USP7: variants seen among roughly 807,000 people sequenced by gnomAD.
The protein encoded by USP7 is ubiquitin specific peptidase 7, also known as ubiquitin C-terminal hydrolase 7.
Under a neutral mutation model 162.9 loss-of-function variants are expected in USP7, and 9 were observed. The ratio of observed to expected loss-of-function variants is 0.06; its 90% CI spans 0.03 to 0.10. USP7 has a LOEUF of 0.10. Ranked by LOEUF, USP7 falls within the 10% of genes least tolerant of loss-of-function variation. The pLI is 1.00. For synonymous variants in USP7, 562 were observed against 475.9 expected, an observed-to-expected ratio of 1.18 and a Z score of -2.35; for missense variants, 715 against 1,373.7, an observed-to-expected ratio of 0.52 and a Z score of 7.58.
At chr16:8,905,129 G>A in intron 14 of USP7, 58 bp downstream of exon 14, 2 of 1,571,936 alleles carry the variant, frequency 1.3e-6, no homozygotes, top group South Asian at 1.1e-5. Context: ...GGAGATTCAT[G>A]GTACAAATGT....
chr16:8,941,107 G>A (rs1899026432), intron 1 of USP7, among the ~76,000 whole-genome samples: 1 of 152,162 alleles, frequency 6.6e-6, no homozygotes, highest in South Asian at 2.1e-4. Context: ...AGGAGCTGCT[G>A]CCCAATTCAC....
intron 1 of USP7, among the ~76,000 whole-genome samples, chr16:8,944,749 TG>T (rs1393460369): frequency 6.6e-6 from 1 of 152,238 alleles, no homozygotes; most frequent in Non-Finnish European, 1.5e-5. Context: ...CAGACTCTCA[TG>T]GAACACCTGC....
intron 1 of USP7, among the ~76,000 whole-genome samples, chr16:8,932,965 G>A (rs996478292): frequency 4.0e-5 from 6 of 149,938 alleles, no homozygotes; most frequent in Middle Eastern, 3.4e-3. Flanking sequence ...TTTTTTTTAT[G>A]GAGTTTCGCT....
chr16:8,962,108 C>A (rs1188937286), intron 1 of USP7, among the ~76,000 whole-genome samples: 1 of 152,176 alleles, frequency 6.6e-6, no homozygotes, highest in African/African-American at 2.4e-5. Flanking sequence ...ACACTTGGAG[C>A]CACCGCACAG....
At chr16:8,930,535 C>A in intron 1 of USP7, 138 bp from the exon 2 acceptor site, 1 of 604,198 alleles carries the variant, frequency 1.7e-6, no homozygotes. Flanking sequence ...TCATTCTAAT[C>A]CAAAAAATAT....
intron 1 of USP7, among the ~76,000 whole-genome samples, chr16:8,961,624 A>C (rs1377261071): frequency 1.3e-5 from 2 of 151,940 alleles, no homozygotes; most frequent in Non-Finnish European, 1.5e-5. Flanking sequence ...GTGTCCAAAA[A>C]CACCTGGAAA....
chr16:8,940,982 C>T (rs1286548041), intron 1 of USP7, among the ~76,000 whole-genome samples: 1 of 152,178 alleles, frequency 6.6e-6, no homozygotes, highest in Non-Finnish European at 1.5e-5. Context: ...AATTCTCTCT[C>T]CTCCCACTCC....
chr16:8,963,221 T>C lies in USP7; in HGVS notation c.65A>G (p.Asp22Gly). 1 of 1,409,622 alleles carries C rather than the reference T, an allele frequency of 7.1e-7. No individual in the cohort carries two copies. The highest frequency in any genetic ancestry group is 1.3e-5 in the South Asian group (1 of 76,120). 87.3% of individuals were successfully genotyped at this position (1,409,622 alleles called of 1,614,324 possible). A position where few individuals can be genotyped will look rare whatever the true frequency, so the allele number is the denominator to read the frequency against. ...TCGGGCCTCACCTTCCATCTCCATG[T>C]CCTCGGGCTCGCTCAACTGCTGCTC... ...AGEQQLSEPE[D>G]MEMEAGDTDD... The change falls in exon 1 of 31, where the codon GAC (aspartate) becomes GGC (glycine). Residue 22 changes from aspartate (D) to glycine (G), a missense_variant. Physicochemically the swap from Asp to Gly is moderately conservative, Grantham distance 94. This residue lies in a region of USP7 where 137 missense variants were observed against 123.5 expected (regional missense o/e 1.11). Transcript: ENST00000344836.
At chr16:8,937,704 G>C (rs867005733) in intron 1 of USP7, among the ~76,000 whole-genome samples, 3 of 152,194 alleles carry the variant, frequency 2.0e-5, no homozygotes, top group Middle Eastern at 3.4e-3. Context: ...AAAAAAAACA[G>C]AAAGGGAAAA....
chr16:8,951,666 G>A (rs1044668941), intron 1 of USP7, among the ~76,000 whole-genome samples: 1 of 152,214 alleles, frequency 6.6e-6, no homozygotes, highest in African/African-American at 2.4e-5. Flanking sequence ...ACCTGGGTAT[G>A]CTGAGACGCT....
chr16:8,950,807 G>A (rs143167626), intron 1 of USP7, among the ~76,000 whole-genome samples: 13 of 152,310 alleles, frequency 8.5e-5, no homozygotes, highest in African/African-American at 2.9e-4. Flanking sequence ...ACTGACCAGC[G>A]CACGACAGTG....
At position 8,905,252 on chromosome 16, in the gene USP7, T is replaced by C; in HGVS notation, c.1508A>G (p.Asp503Gly). The C allele has an allele frequency of 6.2e-7, 1 of 1,614,196 alleles. No individual in the cohort carries two copies. Among genetic ancestry groups the C allele is most frequent in the Non-Finnish European group, 8.5e-7 (1 of 1,180,028 alleles). The change falls in exon 14 of 31, where the codon GAC becomes GGC. Residue 503 changes from aspartate to glycine, a missense_variant. Coordinates refer to ENST00000344836, the MANE Select transcript of USP7 (RefSeq NM_003470.3). ...AIEHNYGGHD[D>G]DLSVRHCTNA... ...AGTGCAGTGTCGAACAGACAGGTCGTCATCGTGACCCCCATAATTGTGCTC... is the reference window on the plus strand; with the variant it reads ...AGTGCAGTGTCGAACAGACAGGTCGCCATCGTGACCCCCATAATTGTGCTC...
chr16:8,944,977 C>T (rs562260994), intron 1 of USP7, among the ~76,000 whole-genome samples: 60 of 152,218 alleles, frequency 3.9e-4, no homozygotes, highest in Admixed American at 3.1e-3. Context: ...GTGGACCGGG[C>T]GCAGTGGCTC....
chr16:8,963,117 A>T, intron 1 of USP7, 90 bp downstream of exon 1: 1 of 1,184,868 alleles, frequency 8.4e-7, no homozygotes, highest in South Asian at 2.0e-5. Context: ...CTGGTTAAAG[A>T]TGGCGAGCCC....
At chr16:8,912,365 G>T (rs1462558328) in intron 10 of USP7, among the ~76,000 whole-genome samples, 1 of 151,548 alleles carries the variant, frequency 6.6e-6, no homozygotes, top group Admixed American at 6.6e-5. Flanking sequence ...AAGGAGAATT[G>T]CTTGAACCCA....
Position 8,942,265 on chromosome 16 carries a change from C to T in USP7, c.80-11868G>A, listed in dbSNP as rs532553821. On this transcript the variant is annotated intron_variant, in intron 1 of 30. Coordinates refer to ENST00000344836, the MANE Select transcript of USP7 (RefSeq NM_003470.3). ...TGTCCTTGGGAGGTACTGGGACACT[C>T]GGAGTGACTGGGATGCCCAGTGGAG... 1.6e-4 allele frequency among the ~76,000 whole-genome samples: 24 copies of T among 152,330 alleles called. No individual in the cohort carries two copies. In the South Asian group the frequency reaches 2.3e-3, roughly 14 times the overall value.
chr16:8,961,630 G>A (rs1004158266), intron 1 of USP7, among the ~76,000 whole-genome samples: 1 of 151,906 alleles, frequency 6.6e-6, no homozygotes, highest in Admixed American at 6.6e-5. Flanking sequence ...AAAAACACCT[G>A]GAAAGCGGTA....
intron 30 of USP7, 56 bp from the exon 31 acceptor site, chr16:8,894,160 G>A: frequency 6.6e-7 from 1 of 1,525,954 alleles, no homozygotes; most frequent in South Asian, 1.1e-5. Context: ...GAACCCCTCA[G>A]CGGGGTGGTG....
chr16:8,917,498 C>T (rs1855836380), intron 6 of USP7, among the ~76,000 whole-genome samples: 1 of 152,178 alleles, frequency 6.6e-6, no homozygotes, highest in Admixed American at 6.5e-5. Flanking sequence ...CCTGCCTCAG[C>T]CTCCCGAGTA....
Sources: gnomAD v4.1 joint callset for allele counts (sites outside exome capture counted in the v4.1 genomes callset) on GRCh38, gnomAD v4.1.1 for gene constraint, gnomAD v4.1.1 regional missense constraint, MANE v1.5 for transcripts, NCBI Gene and HGNC (gene_info 2026-07-23, HGNC 2026-07-21) for gene names.